The following ARL14EP variants were observed in gnomAD, a reference collection of about 807,000 sequenced individuals.
The protein encoded by ARL14EP is ARF like GTPase 14 effector protein.
In ARL14EP, 12 loss-of-function variants were observed where a neutral mutation model predicts 23.1. That is an observed-to-expected ratio of 0.52 (90% CI 0.33 to 0.84). The LOEUF (loss-of-function observed/expected upper bound fraction) is 0.84, where lower values mean the gene tolerates loss of function less well. Among genes scored for constraint, ARL14EP ranks in the 40% least tolerant of loss-of-function variants. ARL14EP has a pLI of 0.02. For missense variants in ARL14EP, 253 were observed against 307.3 expected (o/e 0.82, Z 1.32); for synonymous variants, 97 against 102.0 (o/e 0.95, Z 0.29).
At chr11:30,335,012 TGA>T (rs1947320405) in intron 3 of ARL14EP, among the ~76,000 whole-genome samples, 1 of 152,232 alleles carries the variant, frequency 6.6e-6, no homozygotes, top group Non-Finnish European at 1.5e-5. Flanking sequence ...CCATAGACAG[TGA>T]GTGATTCCTC....
intron 3 of ARL14EP, among the ~76,000 whole-genome samples, chr11:30,334,061 C>T (rs984048552): frequency 2.6e-5 from 4 of 152,050 alleles, no homozygotes; most frequent in African/African-American, 4.8e-5. Context: ...GAGGAAGCTT[C>T]AGAAGAAAAG....
chr11:30,336,701 A>G lies in ARL14EP; in HGVS notation c.689A>G (p.Lys230Arg). 1 of 1,614,154 alleles carries G rather than the reference A, an allele frequency of 6.2e-7. No individual in the cohort carries two copies. The highest frequency in any genetic ancestry group is 8.5e-7 in the Non-Finnish European group (1 of 1,180,036). The change falls in exon 4 of 4, where the codon AAG becomes AGG. Residue 230 changes from lysine to arginine, a missense_variant. By Grantham distance (26) the Lys-to-Arg change is conservative (BLOSUM62 2). Transcript: ENST00000282032. ...FYACPACGST[K>R]CGAECRCDRK... ...GCTTGTCCTGCCTGTGGTTCTACCA[A>G]GTGTGGAGCTGAATGCCGCTGTGAC...
intron 2 of ARL14EP, among the ~76,000 whole-genome samples, chr11:30,332,267 T>G (rs1337773649): frequency 6.6e-6 from 1 of 150,890 alleles, no homozygotes. Context: ...AGGGCCCAGT[T>G]TATCTGTAGT....
intron 2 of ARL14EP, 144 bp downstream of exon 2, chr11:30,331,518 C>A: frequency 6.7e-7 from 1 of 1,489,030 alleles, no homozygotes; most frequent in Non-Finnish European, 8.9e-7. Flanking sequence ...GATGATGTTT[C>A]TAAATATTAT....
At position 30,336,485 on chromosome 11, in the gene ARL14EP, CCTTTT is replaced by C. The variant is rs747830730; in HGVS notation, c.555-81_555-77del. 5 of 1,219,806 alleles carry C rather than the reference CCTTTT, an allele frequency of 4.1e-6. No homozygotes were observed. In the Admixed American group the frequency reaches 1.1e-4, roughly 27 times the overall value. 75.6% of individuals were successfully genotyped at this position (1,219,806 alleles called of 1,614,324 possible). On this transcript the variant is annotated intron_variant, in intron 3 of 3. Coordinates refer to ENST00000282032, the MANE Select transcript of ARL14EP (RefSeq NM_152316.3). Reference sequence around the variant, plus strand: ...GACCTCATCTAAAAATATTTTATCTCCTTTTTTTTTTTTACTGTATTTTCAATTAA... The same window carrying C: ...GACCTCATCTAAAAATATTTTATCTCTTTTTTTTACTGTATTTTCAATTAA...
chr11:30,331,953 T>TA lies in ARL14EP; in HGVS notation c.426+589dup, dbSNP rs1297716762. ...AGGCTAATTTTAGGACTCCTTGAGG[T>TA]AAAAAAAAAATAATACATTTTTACA... On this transcript the variant is annotated intron_variant, in intron 2 of 3. Transcript: ENST00000282032. Among the ~76,000 whole-genome samples, 322 of 149,366 alleles carry TA rather than the reference T, an allele frequency of 2.2e-3. 1 individual carries two copies. The highest frequency in any genetic ancestry group is 6.7e-3 in the African/African-American group (274 of 40,834).
At chr11:30,336,469 TAA>T in intron 3 of ARL14EP, 96 bp from the exon 4 acceptor site, 1 of 1,167,936 alleles carries the variant, frequency 8.6e-7, no homozygotes, top group Non-Finnish European at 1.2e-6. Flanking sequence ...TGACCTCATC[TAA>T]AAATATTTTA....
At chr11:30,335,765 T>A (rs972419021) in intron 3 of ARL14EP, among the ~76,000 whole-genome samples, 7 of 123,870 alleles carry the variant, frequency 5.7e-5, no homozygotes, top group African/African-American at 2.2e-4. Flanking sequence ...CAAAAAAATA[T>A]ATATATATAT....
At position 30,338,116 on chromosome 11, in the gene ARL14EP, G is replaced by A. The variant is rs1160282993; in HGVS notation, c.*1321G>A. ...ACTTCAGGGAAAACTGATTTTGATA[G>A]AACCGACTAGTTGAGTATTAAACTG... is the stretch of plus-strand genomic sequence containing the variant. On this transcript the variant is annotated 3_prime_UTR_variant, in exon 4 of 4. Transcript: ENST00000282032. 1 of 152,142 alleles carries A rather than the reference G, an allele frequency of 6.6e-6. No individual in the cohort carries two copies. Among genetic ancestry groups the A allele is most frequent in the Non-Finnish European group, 1.5e-5 (1 of 68,020 alleles). The allele number at this position is 152,142 out of a possible 1,614,324, so 9.4% of individuals were successfully genotyped here.
rs765052831 is a variant in ARL14EP, at chr11:30,336,518, C to G, written c.555-49C>G. On this transcript the variant is annotated intron_variant, in intron 3 of 3. Coordinates refer to ENST00000282032, the MANE Select transcript of ARL14EP (RefSeq NM_152316.3). The stretch of plus-strand genomic sequence containing the variant: ...TTTTTTACTGTATTTTCAATTAAAT[C>G]AAAAATAACATATTTATGAGGTATA... The G allele has an allele frequency of 7.8e-6, 11 of 1,416,182 alleles. No individual in the cohort carries two copies. The South Asian group carries it at 9.9e-5, about 13-fold the overall frequency. The allele number at this position is 1,416,182 out of a possible 1,614,324, so 87.7% of individuals were successfully genotyped here. A position where few individuals can be genotyped will look rare whatever the true frequency, so the allele number is the denominator to read the frequency against.
At position 30,336,776 on chromosome 11, in the gene ARL14EP, A is replaced by G; in HGVS notation, c.764A>G (p.His255Arg). The G allele has an allele frequency of 1.2e-6, 2 of 1,614,078 alleles. No homozygotes were observed. Among genetic ancestry groups the G allele is most frequent in the Non-Finnish European group, 1.7e-6 (2 of 1,179,916 alleles). Residue 255 changes from histidine to arginine, a missense_variant, in exon 4 of 4, where the codon CAT becomes CGT. By Grantham distance (29) the His-to-Arg change is conservative. Transcript: ENST00000282032. Reference protein sequence around the residue: ...QIEIEGGEIIHNKHAG With the variant: ...QIEIEGGEIIRNKHAG ...GAAATTGAAGGAGGAGAAATAATTC[A>G]TAATAAACATGCTGGATAATCTGCG...
At chr11:30,326,820 AGTTTTACTCAGGTG>A (rs1947238340) in intron 1 of ARL14EP, among the ~76,000 whole-genome samples, 1 of 65,538 alleles carries the variant, frequency 1.5e-5, no homozygotes, top group African/African-American at 8.1e-5. Context: ...AGGTGTGTGC[AGTTTTACTCAGGTG>A]TGTGCAGTTT....
intron 2 of ARL14EP, chr11:30,331,680 C>G (rs1264380840): frequency 2.9e-5 from 34 of 1,186,112 alleles, no homozygotes; most frequent in Non-Finnish European, 3.5e-5. Context: ...GATTTAGTTT[C>G]TTTTCTGATA....
In ARL14EP at chr11:30,331,349, G is replaced by A. The variant is rs187933099; in HGVS notation, c.401G>A (p.Arg134His). ...NGSVDVDTED[R>H]QKRKPESDGR... ...AGTGTGGATGTTGATACTGAAGACC[G>A]CCAGAAAAGGAAACCTGAGTCAGAT... Residue 134 changes from arginine (R) to histidine (H), a missense_variant, in exon 2 of 4, where the codon CGC becomes CAC. By Grantham distance (29) the Arg-to-His change is conservative. Transcript: ENST00000282032. 9.9e-6 allele frequency: 16 copies of A among 1,613,804 alleles called. No individual in the cohort carries two copies. The highest frequency in any genetic ancestry group is 2.2e-5 in the East Asian group (1 of 44,854).
At chr11:30,333,253 A>G (rs1947299694) in intron 3 of ARL14EP, among the ~76,000 whole-genome samples, 1 of 152,244 alleles carries the variant, frequency 6.6e-6, no homozygotes, top group South Asian at 2.1e-4. Flanking sequence ...TTACAATTAA[A>G]GTAATTCACT....
chr11:30,330,150 T>C (rs780893553), intron 1 of ARL14EP: 1 of 152,138 alleles, frequency 6.6e-6, no homozygotes, highest in Non-Finnish European at 1.5e-5. Flanking sequence ...GTACCACATG[T>C]CATATACTGA....
At chr11:30,333,689 C>T (rs1947305362) in intron 3 of ARL14EP, among the ~76,000 whole-genome samples, 1 of 152,034 alleles carries the variant, frequency 6.6e-6, no homozygotes, top group Non-Finnish European at 1.5e-5. Flanking sequence ...AACTAATAAC[C>T]CTGCAATGGT....
rs777142429 is a variant in ARL14EP at position 30,332,973 on chromosome 11, T to C, written c.534T>C (p.Asn178=). 6.2e-7 allele frequency: 1 copy of C among 1,613,350 alleles called. No homozygotes were observed. The highest frequency in any genetic ancestry group is 1.1e-5 in the South Asian group (1 of 91,062). ...GAGAAAAAAGAAGGCTTACAAAAAA[T>C]GCAACCGCTGGTTCAGACAGGTAGG... The part of the protein sequence containing the change: ...GKREKRRLTK[N]ATAGSDRQVI... The change falls in exon 3 of 4, where the codon AAT becomes AAC. Residue 178 remains asparagine, a synonymous_variant. Transcript: ENST00000282032.
chr11:30,328,035 T>C (rs1947252412), intron 1 of ARL14EP: 1 of 152,120 alleles, frequency 6.6e-6, no homozygotes, highest in African/African-American at 2.4e-5. Flanking sequence ...TATTTGCTAA[T>C]ATACATTGCC....
Sources: gnomAD v4.1 joint callset for allele counts (sites outside exome capture counted in the v4.1 genomes callset) on GRCh38, gnomAD v4.1.1 for gene constraint, MANE v1.5 for transcripts, NCBI Gene and HGNC (gene_info 2026-07-23, HGNC 2026-07-21) for gene names.